Variants in PARP14 observed in about 807,000 individuals in gnomAD.
The protein encoded by PARP14 is protein mono-ADP-ribosyltransferase PARP14.
PARP14 carries 59 observed loss-of-function variants against 154.2 expected under a neutral mutation model. That is an observed-to-expected ratio of 0.38 (90% CI 0.31 to 0.48). The LOEUF (loss-of-function observed/expected upper bound fraction) is 0.48, where lower values mean the gene tolerates loss of function less well. Among genes scored for constraint, PARP14 ranks in the 20% least tolerant of loss-of-function variants. PARP14 has a pLI of 0.98. For synonymous variants in PARP14, 720 were observed against 780.5 expected (o/e 0.92, Z 1.29); for missense variants, 1,734 against 2,131.6 (o/e 0.81, Z 3.67).
At chr3:122,688,419 C>A in intron 3 of PARP14, among the ~76,000 whole-genome samples, 1 of 152,112 alleles carries the variant, frequency 6.6e-6, no homozygotes, top group East Asian at 1.9e-4. Context: ...CAGCGAAAGC[C>A]CCAGTCCCCT....
In PARP14 at chr3:122,720,242, G is replaced by A. The variant is rs376129708; in HGVS notation, c.4808-13G>A. On this transcript the variant is annotated splice_polypyrimidine_tract_variant and intron_variant, in intron 14 of 16. Transcript: ENST00000474629. ...GGGATGTATGAGGGCATCCTCAAAT[G>A]TCTCCTTTGCAGTTGACATCCCTGC... 91 of 1,611,808 alleles carry A rather than the reference G, an allele frequency of 5.6e-5. No individual in the cohort carries two copies. The East Asian group carries it at 1.5e-3, about 27-fold the overall frequency.
intron 12 of PARP14, among the ~76,000 whole-genome samples, chr3:122,715,664 A>G (rs1429720002): frequency 6.6e-6 from 1 of 150,998 alleles, no homozygotes; most frequent in East Asian, 1.9e-4. Context: ...CGATCTGTCT[A>G]TCTATCTCTA....
In PARP14 at chr3:122,718,121, A is replaced by G; in HGVS notation, c.4051A>G (p.Ile1351Val). The G allele has an allele frequency of 6.2e-7, 1 of 1,613,928 alleles. No individual in the cohort carries two copies. The highest frequency in any genetic ancestry group is 8.5e-7 in the Non-Finnish European group (1 of 1,179,850). ...GGTTGCTGAAGCCATAATTGATGCCATTGAAGACTTTGTCCAGAAAGGATC... is the reference window on the plus strand; with the variant it reads ...GGTTGCTGAAGCCATAATTGATGCCGTTGAAGACTTTGTCCAGAAAGGATC... Reference protein sequence around the residue: ...DKVAEAIIDAIEDFVQKGSAQ... With the variant: ...DKVAEAIIDAVEDFVQKGSAQ... The change falls in exon 13 of 17, where the codon ATT becomes GTT. Residue 1351 changes from isoleucine to valine, a missense_variant. Around this residue, in one of 2 missense-constraint regions of PARP14, gnomAD observed 1,646 missense variants for 1,976.0 expected, o/e 0.83. Coordinates refer to ENST00000474629, the MANE Select transcript of PARP14 (RefSeq NM_017554.3).
chr3:122,728,182 A>G, intron 16 of PARP14, 126 bp from the exon 17 acceptor site: 1 of 986,476 alleles, frequency 1.0e-6, no homozygotes, highest in South Asian at 1.7e-5. Flanking sequence ...TTGATGATTA[A>G]AAGTGAAAAG....
chr3:122,708,154 A>T (rs1321694455), intron 8 of PARP14, 36 bp from the exon 9 acceptor site: 2 of 1,082,856 alleles, frequency 1.8e-6, no homozygotes, highest in Admixed American at 2.1e-5. Context: ...TCATTTACTG[A>T]GGAGTGTAAT....
chr3:122,708,469 G>A (rs1242625223), intron 9 of PARP14, among the ~76,000 whole-genome samples: 1 of 152,166 alleles, frequency 6.6e-6, no homozygotes, highest in African/African-American at 2.4e-5. Context: ...GGCAGGCCAA[G>A]TTATGTAATC....
chr3:122,725,010 C>A (rs1169119372), intron 15 of PARP14, among the ~76,000 whole-genome samples: 1 of 152,230 alleles, frequency 6.6e-6, no homozygotes, highest in African/African-American at 2.4e-5. Context: ...AAGAATTTTT[C>A]TTAGTACAGA....
chr3:122,692,500 A>G lies in PARP14; in HGVS notation c.555A>G (p.Ile185Met). The G allele has an allele frequency of 1.9e-6, 3 of 1,612,906 alleles. No homozygotes were observed. The highest frequency in any genetic ancestry group is 2.2e-5 in the East Asian group (1 of 44,834). Residue 185 changes from isoleucine (I) to methionine (M), a missense_variant, in exon 4 of 17, where the codon ATA becomes ATG. Ile to Met is a conservative substitution (Grantham distance 10). Transcript: ENST00000474629. ...LSNDDFQVEIIRDFDVAVVTF... is the reference protein window; with the variant it reads ...LSNDDFQVEIMRDFDVAVVTF... ...ATGATGACTTTCAAGTGGAAATAAT[A>G]AGAGATTTTGATGTTGCTGTTGTTA...
At chr3:122,687,502 C>T (rs1938409864) in intron 3 of PARP14, among the ~76,000 whole-genome samples, 1 of 152,212 alleles carries the variant, frequency 6.6e-6, no homozygotes, top group Non-Finnish European at 1.5e-5. Context: ...TTCCTGAGCA[C>T]TGGGTGTGAG....
chr3:122,707,272 C>T (rs1939186278), intron 8 of PARP14, among the ~76,000 whole-genome samples: 2 of 151,680 alleles, frequency 1.3e-5, no homozygotes, highest in African/African-American at 2.4e-5. Flanking sequence ...AATTACCTCC[C>T]AAGTAGGCTG....
At chr3:122,725,028 G>A (rs1255272287) in intron 15 of PARP14, among the ~76,000 whole-genome samples, 3 of 152,156 alleles carry the variant, frequency 2.0e-5, no homozygotes, top group African/African-American at 7.2e-5. Context: ...AGAACAAAAT[G>A]GAGTCTCCTA....
In PARP14 at chr3:122,720,312, T is replaced by C; in HGVS notation, c.4865T>C (p.Leu1622Pro). 1 of 1,613,034 alleles carries C rather than the reference T, an allele frequency of 6.2e-7. No individual in the cohort carries two copies. Among genetic ancestry groups the C allele is most frequent in the Middle Eastern group, 1.7e-4 (1 of 6,058 alleles). Residue 1622 changes from leucine to proline, a missense_variant, in exon 15 of 17, where the codon CTG (leucine) becomes CCG (proline). By Grantham distance (98) the Leu-to-Pro change is moderately conservative. This residue lies in a region of PARP14 where 1,646 missense variants were observed against 1,976.0 expected (regional missense o/e 0.83). Coordinates refer to ENST00000474629, the MANE Select transcript of PARP14 (RefSeq NM_017554.3). ...MKQQNFCVVE[L>P]LPSDPEYNTV... ...CAGCAGAATTTCTGTGTGGTGGAGC[T>C]GCTGCCTAGTGATCCTGAGTACAAC...
rs759075011 is a variant in PARP14 at position 122,718,588 on chromosome 3, G to A, written c.4437G>A (p.Gln1479=). Residue 1479 remains glutamine, a synonymous_variant, in exon 14 of 17, where the codon CAG becomes CAA. Transcript: ENST00000474629. The stretch of plus-strand genomic sequence containing the variant: ...AGTATCAGGAGTTGAATGAGCTGCA[G>A]AAGAAGTTAAATATTAACATTTCCC... The part of the protein sequence containing the change: ...EKEYQELNEL[Q]KKLNINISLD... 5.4e-5 allele frequency: 87 copies of A among 1,613,808 alleles called. No homozygotes were observed. The highest frequency in any genetic ancestry group is 7.2e-5 in the Non-Finnish European group (85 of 1,179,884).
At chr3:122,708,781 A>C (rs1302702678) in intron 9 of PARP14, among the ~76,000 whole-genome samples, 2 of 152,022 alleles carry the variant, frequency 1.3e-5, no homozygotes, top group African/African-American at 4.8e-5. Flanking sequence ...GCCTTTTGAC[A>C]GTGTTCCAAG....
rs754460971 is a variant in PARP14, at chr3:122,729,869, G to C, written c.*1272G>C. 1.3e-5 allele frequency: 2 copies of C among 152,132 alleles called. No individual in the cohort carries two copies. The highest frequency in any genetic ancestry group is 2.9e-5 in the Non-Finnish European group (2 of 68,030). The allele number at this position is 152,132 out of a possible 1,614,324, so 9.4% of individuals were successfully genotyped here. ...ATTAAATAGTATATTTTCCTTGACA[G>C]CCTAGCGTTTGATGATTTTAAAGCC... On this transcript the variant is annotated 3_prime_UTR_variant, in exon 17 of 17. Transcript: ENST00000474629.
chr3:122,700,254 T>C lies in PARP14; in HGVS notation c.1700T>C (p.Leu567Pro). 1 of 1,612,802 alleles carries C rather than the reference T, an allele frequency of 6.2e-7. No individual in the cohort carries two copies. Among genetic ancestry groups the C allele is most frequent in the Non-Finnish European group, 8.5e-7 (1 of 1,179,212 alleles). The change falls in exon 6 of 17, where the codon CTT becomes CCT. Residue 567 changes from leucine to proline, a missense_variant. Physicochemically the swap from Leu to Pro is moderately conservative, Grantham distance 98. Coordinates refer to ENST00000474629, the MANE Select transcript of PARP14 (RefSeq NM_017554.3). ...CLFIAQKILALYELEGTTVLL... is the reference protein window; with the variant it reads ...CLFIAQKILAPYELEGTTVLL... ...TTCATAGCACAGAAGATTCTTGCAC[T>C]TTATGAGCTAGAGGGTACAACTGTT...
Position 122,728,291 on chromosome 3 carries a change from G to T in PARP14, c.5117-17G>T. 1.2e-6 allele frequency: 2 copies of T among 1,600,826 alleles called. No homozygotes were observed. Among genetic ancestry groups the T allele is most frequent in the South Asian group, 2.2e-5 (2 of 90,478 alleles). On this transcript the variant is annotated splice_polypyrimidine_tract_variant and intron_variant, in intron 16 of 16. Transcript: ENST00000474629. ...ACATTAACTTGAAATGCTTAAAAAT[G>T]GTTTTTCTTTTCACAGCTGTGGCAT...
rs899594622 is a variant in PARP14 at position 122,701,914 on chromosome 3, G to A, written c.3081+279G>A. Among the ~76,000 whole-genome samples the A allele has an allele frequency of 3.3e-5, 5 of 152,236 alleles. No individual in the cohort carries two copies. The highest frequency in any genetic ancestry group is 4.8e-5 in the African/African-American group (2 of 41,528). ...GATGTAAAACTCCATAATATCACAC[G>A]TTTAGACAGTTCTCTATACCTTACA... On this transcript the variant is annotated intron_variant, in intron 6 of 16. Coordinates refer to ENST00000474629, the MANE Select transcript of PARP14 (RefSeq NM_017554.3). This position sits in a 1 kb window ranked among gnomAD's most constrained non-coding sequence, Gnocchi z 4.0.
At chr3:122,712,246 T>TAA (rs1473417643) in intron 9 of PARP14, among the ~76,000 whole-genome samples, 8 of 151,708 alleles carry the variant, frequency 5.3e-5, no homozygotes, top group African/African-American at 1.9e-4. Context: ...ACATCTTTTT[T>TAA]TTTTTTTTTC....
Sources: gnomAD v4.1 joint callset for allele counts (sites outside exome capture counted in the v4.1 genomes callset) on GRCh38, gnomAD v4.1.1 for gene constraint, gnomAD v4.1.1 regional missense constraint, Gnocchi (gnomAD v3.1) non-coding constraint, MANE v1.5 for transcripts, NCBI Gene and HGNC (gene_info 2026-07-23, HGNC 2026-07-21) for gene names.